The following LRP6 variants were observed in gnomAD, a reference collection of about 807,000 sequenced individuals.
LRP6 encodes the protein low-density lipoprotein receptor-related protein 6.
In LRP6, 43 loss-of-function variants were observed where a neutral mutation model predicts 184.1. The ratio of observed to expected loss-of-function variants is 0.23; its 90% CI spans 0.18 to 0.30. The LOEUF (loss-of-function observed/expected upper bound fraction) is 0.30. Ranked by LOEUF, LRP6 falls within the 10% of genes least tolerant of loss-of-function variation. The pLI is 1.00. For synonymous variants in LRP6, 719 were observed against 684.9 expected (o/e 1.05, Z -0.78); for missense variants, 1,571 against 2,005.3 (o/e 0.78, Z 4.14).
chr12:12,140,626 C>T (rs1448493414), intron 15 of LRP6, among the ~76,000 whole-genome samples: 3 of 125,948 alleles, frequency 2.4e-5, no homozygotes, highest in African/African-American at 8.2e-5. Flanking sequence ...TTTTTTGAGA[C>T]GGAGTTTTGC....
chr12:12,159,160 T>C lies in LRP6; in HGVS notation c.2465-5A>G. The C allele has an allele frequency of 1.2e-6, 2 of 1,612,926 alleles. No individual in the cohort carries two copies. Among genetic ancestry groups the C allele is most frequent in the Non-Finnish European group, 1.7e-6 (2 of 1,178,944 alleles). On this transcript the variant is annotated splice_region_variant and splice_polypyrimidine_tract_variant and intron_variant, in intron 11 of 22. Coordinates refer to ENST00000261349, the MANE Select transcript of LRP6 (RefSeq NM_002336.3). ...CTATAACTTCACGGTTGAGCCCTAT[T>C]TTCAGAAAGGCAGTAGACAGGGGAG... is the stretch of plus-strand genomic sequence containing the variant.
chr12:12,133,330 G>A (rs1949783745), intron 17 of LRP6, among the ~76,000 whole-genome samples: 1 of 152,102 alleles, frequency 6.6e-6, no homozygotes, highest in Non-Finnish European at 1.5e-5. Context: ...TTGGATCATG[G>A]GGGGTAGATC....
chr12:12,188,130 G>C (rs1397266641), intron 3 of LRP6, among the ~76,000 whole-genome samples: 1 of 150,308 alleles, frequency 6.7e-6, no homozygotes, highest in Non-Finnish European at 1.5e-5. Flanking sequence ...AGAACTGCTT[G>C]AATCCAGGAG....
chr12:12,254,198 G>A (rs1026736854), intron 1 of LRP6, among the ~76,000 whole-genome samples: 4 of 150,664 alleles, frequency 2.7e-5, no homozygotes, highest in South Asian at 2.1e-4. Context: ...ACTACGCCAG[G>A]TAACCTGAAC....
chr12:12,200,803 T>A (rs1233735842), intron 3 of LRP6, among the ~76,000 whole-genome samples: 1 of 152,204 alleles, frequency 6.6e-6, no homozygotes, highest in Non-Finnish European at 1.5e-5. Context: ...CTCACCCTCC[T>A]GGAACTTAGG....
intron 15 of LRP6, among the ~76,000 whole-genome samples, chr12:12,146,639 T>TA (rs1347221455): frequency 6.6e-6 from 1 of 152,204 alleles, no homozygotes; most frequent in Non-Finnish European, 1.5e-5. Context: ...TATACCAACT[T>TA]AAGAGTACAA....
At chr12:12,148,663 G>A (rs147769917) in intron 14 of LRP6, among the ~76,000 whole-genome samples, 3 of 151,884 alleles carry the variant, frequency 2.0e-5, no homozygotes, top group African/African-American at 4.8e-5. Flanking sequence ...GAGGTAGATC[G>A]AGGAAAACTT....
chr12:12,197,711 C>T (rs1863802022), intron 3 of LRP6, among the ~76,000 whole-genome samples: 2 of 152,138 alleles, frequency 1.3e-5, no homozygotes, highest in Non-Finnish European at 2.9e-5. Flanking sequence ...TTCAGAATAA[C>T]AATATTAATT....
At chr12:12,177,985 G>A (rs984020632) in intron 7 of LRP6, among the ~76,000 whole-genome samples, 4 of 151,874 alleles carry the variant, frequency 2.6e-5, no homozygotes, top group South Asian at 2.1e-4. Context: ...AAGAAGGGGT[G>A]ACGGAGCCAA....
intron 2 of LRP6, chr12:12,210,871 C>G (rs1458423738): frequency 1.3e-5 from 2 of 152,260 alleles, no homozygotes; most frequent in East Asian, 3.9e-4. Flanking sequence ...TGATTCCTGA[C>G]CCCATGTTCC....
At chr12:12,160,945 G>A (rs1269647464) in intron 10 of LRP6, among the ~76,000 whole-genome samples, 1 of 152,224 alleles carries the variant, frequency 6.6e-6, no homozygotes, top group Non-Finnish European at 1.5e-5. Flanking sequence ...AGCTGACTTG[G>A]TAGCAATGTA....
intron 1 of LRP6, among the ~76,000 whole-genome samples, chr12:12,245,260 C>T (rs116712557): frequency 6.6e-6 from 1 of 152,022 alleles, no homozygotes; most frequent in Non-Finnish European, 1.5e-5. Context: ...AATAATGAAC[C>T]CTTTGTACAT....
intron 19 of LRP6, among the ~76,000 whole-genome samples, chr12:12,128,512 G>C (rs1168481094): frequency 6.6e-6 from 1 of 152,114 alleles, no homozygotes; most frequent in African/African-American, 2.4e-5. Context: ...ACTTCCTGAA[G>C]AGCTTCAGTG....
In LRP6 at chr12:12,165,690, T is replaced by G. The variant is rs373556323; in HGVS notation, c.1546-395A>C. Among the ~76,000 whole-genome samples, 3 of 152,210 alleles carry G rather than the reference T, an allele frequency of 2.0e-5. No homozygotes were observed. In the South Asian group the frequency reaches 6.2e-4, roughly 31 times the overall value. On this transcript the variant is annotated intron_variant, in intron 7 of 22. Transcript: ENST00000261349. ...TTGTTTTATAACATCTTTTATTTTA[T>G]CTTGAGAGCTTTGCCTATGGAAACT...
At chr12:12,194,092 C>A in intron 3 of LRP6, among the ~76,000 whole-genome samples, 1 of 151,490 alleles carries the variant, frequency 6.6e-6, no homozygotes. Flanking sequence ...AGAATAAAAC[C>A]ACATAATCAT....
chr12:12,261,148 C>G (rs184938943), intron 1 of LRP6, among the ~76,000 whole-genome samples: 309 of 152,222 alleles, frequency 2.0e-3, no homozygotes, highest in African/African-American at 6.4e-3. Context: ...TGGCCGGGCG[C>G]GGTGGCTCAC....
intron 1 of LRP6, among the ~76,000 whole-genome samples, chr12:12,261,505 G>C (rs1865616268): frequency 6.6e-6 from 1 of 151,952 alleles, no homozygotes; most frequent in South Asian, 2.1e-4. Context: ...TTATTGTTTA[G>C]CCAAATGAGC....
At chr12:12,266,640 C>G in intron 1 of LRP6, 41 bp downstream of exon 1, 2 of 1,587,610 alleles carry the variant, frequency 1.3e-6, no homozygotes, top group Non-Finnish European at 1.7e-6. Context: ...GCCACCTCCC[C>G]CCGAACCCCA....
intron 2 of LRP6, among the ~76,000 whole-genome samples, chr12:12,220,675 T>G (rs1056150627): frequency 6.6e-6 from 1 of 151,426 alleles, no homozygotes; most frequent in Non-Finnish European, 1.5e-5. Context: ...CTCAGCTCAC[T>G]GCAACCTCCA....
Sources: allele counts gnomAD v4.1 joint callset (sites outside exome capture counted in the v4.1 genomes callset), GRCh38; gene constraint gnomAD v4.1.1; transcripts MANE v1.5; gene names NCBI Gene and HGNC (gene_info 2026-07-23, HGNC 2026-07-21).